The following KCNN2 variants were observed in gnomAD, a reference collection of about 807,000 sequenced individuals.
KCNN2 encodes the protein potassium calcium-activated channel subfamily N member 2, also known as small conductance calcium-activated potassium channel protein 2.
In KCNN2, 24 loss-of-function variants were observed where a neutral mutation model predicts 55.5. That is an observed-to-expected ratio of 0.43 (90% CI 0.31 to 0.61). The LOEUF (loss-of-function observed/expected upper bound fraction) is 0.61, where lower values mean the gene tolerates loss of function less well. Ranked by LOEUF, KCNN2 falls within the 20% of genes least tolerant of loss-of-function variation. The pLI is 0.08. For missense variants in KCNN2, 754 were observed against 853.6 expected, an observed-to-expected ratio of 0.88 and a Z score of 1.45; for synonymous variants, 431 against 336.1, an observed-to-expected ratio of 1.28 and a Z score of -3.09.
At chr5:114,420,342 G>A (rs1323848628) in intron 3 of KCNN2, among the ~76,000 whole-genome samples, 2 of 152,210 alleles carry the variant, frequency 1.3e-5, no homozygotes, top group Non-Finnish European at 2.9e-5. Flanking sequence ...TATTCCTAGG[G>A]CAGTTATAAG....
At chr5:114,377,168 G>A (rs1041286269) in intron 2 of KCNN2, among the ~76,000 whole-genome samples, 8 of 152,112 alleles carry the variant, frequency 5.3e-5, no homozygotes, top group Non-Finnish European at 1.2e-4. Context: ...TTCCTACCCA[G>A]TGCTCACTGA....
rs957070097 is a variant in KCNN2, at chr5:114,476,209, T to G, written c.1890+3045T>G. On this transcript the variant is annotated intron_variant, in intron 5 of 7. Coordinates refer to ENST00000673685, the MANE Select transcript of KCNN2 (RefSeq NM_021614.4). ...CCCCACCCCACCACAGTCCCCAGAGTGTGATATTCCCCTTCCTGTGTCCAT... is the reference window on the plus strand; with the variant it reads ...CCCCACCCCACCACAGTCCCCAGAGGGTGATATTCCCCTTCCTGTGTCCAT... 3.3e-4 allele frequency among the ~76,000 whole-genome samples: 40 copies of G among 119,588 alleles called. 1 individual carries two copies. The highest frequency in any genetic ancestry group is 1.3e-3 in the African/African-American group (39 of 30,732). The allele number at this position is 119,588 out of a possible 152,430, so 78.5% of individuals were successfully genotyped here.
At chr5:114,211,212 A>G (rs560491487) in intron 1 of KCNN2, among the ~76,000 whole-genome samples, 2 of 152,280 alleles carry the variant, frequency 1.3e-5, no homozygotes, top group African/African-American at 4.8e-5. Context: ...GTTACTGAGT[A>G]TGTACCCAAA....
chr5:114,479,968 GAACA>G (rs1762151420), intron 5 of KCNN2, among the ~76,000 whole-genome samples: 1 of 151,544 alleles, frequency 6.6e-6, no homozygotes, highest in African/African-American at 2.4e-5. Flanking sequence ...GGAGAACCAA[GAACA>G]AACAAACCCC....
Position 114,375,143 on chromosome 5 carries a change from G to C in KCNN2, c.1218+11142G>C, listed in dbSNP as rs910918565. ...AGTCACAAGGTTAAAAATTGCATGG[G>C]TGCTATTTCATGAACTGTTTAATTT... On this transcript the variant is annotated intron_variant, in intron 2 of 7. Coordinates refer to ENST00000673685, the MANE Select transcript of KCNN2 (RefSeq NM_021614.4). Among the ~76,000 whole-genome samples the C allele has an allele frequency of 8.2e-4, 124 of 152,078 alleles. 10 individuals are homozygous for C. Among genetic ancestry groups the C allele is most frequent in the African/African-American group, 4.8e-5 (2 of 41,412 alleles).
intron 2 of KCNN2, among the ~76,000 whole-genome samples, chr5:114,382,596 G>A (rs1010010896): frequency 3.9e-5 from 6 of 152,222 alleles, no homozygotes; most frequent in African/African-American, 1.4e-4. Flanking sequence ...TTCTGTGGGT[G>A]TTGGAGACAG....
intron 3 of KCNN2, among the ~76,000 whole-genome samples, chr5:114,431,774 G>A (rs1456736776): frequency 6.6e-6 from 1 of 151,864 alleles, no homozygotes; most frequent in African/African-American, 2.4e-5. Context: ...TTGATACATT[G>A]TATTTTCAAT....
intron 1 of KCNN2, among the ~76,000 whole-genome samples, chr5:114,204,521 C>CT (rs1356878999): frequency 1.3e-5 from 2 of 152,210 alleles, no homozygotes; most frequent in Admixed American, 6.5e-5. Context: ...GAAGTAACTT[C>CT]TTCTGATGTA....
At chr5:114,398,339 C>A (rs977392489) in intron 2 of KCNN2, among the ~76,000 whole-genome samples, 1 of 152,034 alleles carries the variant, frequency 6.6e-6, no homozygotes, top group Non-Finnish European at 1.5e-5. Flanking sequence ...GTAGATGTGT[C>A]GCATTATGTC....
intron 5 of KCNN2, among the ~76,000 whole-genome samples, chr5:114,478,525 T>C (rs1167832848): frequency 1.3e-5 from 2 of 151,672 alleles, no homozygotes; most frequent in African/African-American, 2.4e-5. Flanking sequence ...CAGGCCAACA[T>C]TCAAATTCAG....
chr5:114,142,449 T>G (rs1752306103), intron 1 of KCNN2, among the ~76,000 whole-genome samples: 1 of 152,148 alleles, frequency 6.6e-6, no homozygotes, highest in Non-Finnish European at 1.5e-5. Context: ...GCAGATGACA[T>G]GATTGTATAT....
chr5:114,409,279 C>T (rs1759046266), intron 3 of KCNN2, among the ~76,000 whole-genome samples: 1 of 152,154 alleles, frequency 6.6e-6, no homozygotes, highest in Non-Finnish European at 1.5e-5. Flanking sequence ...TTTTATTAAA[C>T]TTCCCATTTT....
At chr5:114,333,528 A>G (rs1413217032) in intron 2 of KCNN2, among the ~76,000 whole-genome samples, 3 of 152,086 alleles carry the variant, frequency 2.0e-5, no homozygotes, top group Admixed American at 1.3e-4. Flanking sequence ...AATATTTTCT[A>G]TGTAGGTGAC....
chr5:114,145,515 T>C (rs1208400053), intron 1 of KCNN2, among the ~76,000 whole-genome samples: 1 of 152,166 alleles, frequency 6.6e-6, no homozygotes, highest in African/African-American at 2.4e-5. Context: ...AGTGACCAGA[T>C]GGTAGTGTGA....
intron 2 of KCNN2, among the ~76,000 whole-genome samples, chr5:114,249,206 G>T (rs886162707): frequency 6.6e-6 from 1 of 151,732 alleles, no homozygotes; most frequent in Middle Eastern, 3.2e-3. Flanking sequence ...TGAACTTAAA[G>T]TTCTGTAGAC....
intron 1 of KCNN2, among the ~76,000 whole-genome samples, chr5:114,185,339 T>C (rs1443161007): frequency 2.6e-5 from 4 of 152,356 alleles, no homozygotes; most frequent in East Asian, 1.9e-4. Flanking sequence ...AGTGTCATTA[T>C]AGACAACATG....
intron 1 of KCNN2, among the ~76,000 whole-genome samples, chr5:114,067,787 T>C (rs993936629): frequency 6.6e-6 from 1 of 152,214 alleles, no homozygotes; most frequent in African/African-American, 2.4e-5. Flanking sequence ...TTTCATTTGC[T>C]CCAATTTAAT....
At chr5:114,065,180 G>A (rs13154079) in intron 1 of KCNN2, among the ~76,000 whole-genome samples, 22,692 of 152,186 alleles carry the variant, frequency 0.15, 1,865 homozygotes, top group Middle Eastern at 0.21. Flanking sequence ...TTGCGAAGAG[G>A]AACTATCCCT....
intron 2 of KCNN2, among the ~76,000 whole-genome samples, chr5:114,395,720 C>T (rs1435465675): frequency 1.3e-5 from 2 of 152,150 alleles, no homozygotes; most frequent in Non-Finnish European, 2.9e-5. Context: ...ATCTCTCAAC[C>T]TGGCAAATAC....
Sources: allele counts gnomAD v4.1 joint callset (sites outside exome capture counted in the v4.1 genomes callset), GRCh38; gene constraint gnomAD v4.1.1; transcripts MANE v1.5; gene names NCBI Gene and HGNC (gene_info 2026-07-23, HGNC 2026-07-21).